Variants in CNTNAP4 observed in about 807,000 individuals in gnomAD.
The protein encoded by CNTNAP4 is contactin associated protein family member 4.
Under a neutral mutation model 148.4 loss-of-function variants are expected in CNTNAP4, and 98 were observed. That is an observed-to-expected ratio of 0.66 (90% CI 0.56 to 0.78). The LOEUF (loss-of-function observed/expected upper bound fraction) is 0.78, where lower values mean the gene tolerates loss of function less well. CNTNAP4 is among the 30% of genes least tolerant of loss of function. The pLI, the probability that CNTNAP4 is intolerant of heterozygous loss-of-function variation, is 0.00. For synonymous variants in CNTNAP4, 730 were observed against 565.1 expected (o/e 1.29, Z -4.14); for missense variants, 1,935 against 1,565.6 (o/e 1.24, Z -3.98).
At chr16:76,348,036 A>T (rs1240071333) in intron 2 of CNTNAP4, among the ~76,000 whole-genome samples, 2 of 152,128 alleles carry the variant, frequency 1.3e-5, no homozygotes, top group Non-Finnish European at 2.9e-5. Context: ...TGACTGTTGC[A>T]AGAATCCAGG....
chr16:76,323,752 A>G (rs1962677569), intron 2 of CNTNAP4, among the ~76,000 whole-genome samples: 2 of 152,048 alleles, frequency 1.3e-5, no homozygotes, highest in African/African-American at 4.8e-5. Flanking sequence ...CTTACCCTTT[A>G]TCGTCCTTGT....
At chr16:76,373,353 T>A (rs2015067351) in intron 3 of CNTNAP4, among the ~76,000 whole-genome samples, 1 of 152,034 alleles carries the variant, frequency 6.6e-6, no homozygotes, top group African/African-American at 2.4e-5. Context: ...AAAGAAACAT[T>A]CTTAGTCATA....
chr16:76,356,701 G>A lies in CNTNAP4; in HGVS notation c.390+1190G>A, dbSNP rs543101341. On this transcript the variant is annotated intron_variant, in intron 3 of 23. Transcript: ENST00000611870. ...GAGAAAATGGGTTACTTAATGAAGC[G>A]TCATTCTTAGCACACAGATAATTTG... Among the ~76,000 whole-genome samples the A allele has an allele frequency of 9.2e-5, 14 of 152,262 alleles. No homozygotes were observed. The South Asian group carries it at 1.9e-3, about 20-fold the overall frequency.
intron 3 of CNTNAP4, among the ~76,000 whole-genome samples, chr16:76,367,839 TA>T (rs2014338889): frequency 6.6e-6 from 1 of 152,146 alleles, no homozygotes; most frequent in African/African-American, 2.4e-5. Context: ...TACATTACAT[TA>T]GTGATGTAAC....
At chr16:76,463,044 C>T (rs748512656) in intron 9 of CNTNAP4, among the ~76,000 whole-genome samples, 2 of 152,262 alleles carry the variant, frequency 1.3e-5, no homozygotes, top group African/African-American at 4.8e-5. Context: ...AACAAAAAAA[C>T]TGCTACATAA....
intron 13 of CNTNAP4, among the ~76,000 whole-genome samples, chr16:76,493,101 G>C (rs1431387087): frequency 6.6e-6 from 1 of 152,062 alleles, no homozygotes; most frequent in East Asian, 1.9e-4. Flanking sequence ...CTCATGATTC[G>C]TGTGGAATAG....
chr16:76,362,838 A>G (rs1594028), intron 3 of CNTNAP4, among the ~76,000 whole-genome samples: 41,791 of 152,096 alleles, frequency 0.27, 6,313 homozygotes, highest in Non-Finnish European at 0.35. Context: ...ATCTGTACAT[A>G]AAACCACTGT....
rs376794927 is a variant in CNTNAP4 at position 76,540,772 on chromosome 16, G to A, written c.3424G>A (p.Val1142Ile). The change falls in exon 21 of 24, where the codon GTA (valine) becomes ATA (isoleucine). Residue 1142 changes from valine (V) to isoleucine (I), a missense_variant. By Grantham distance (29) the Val-to-Ile change is conservative (BLOSUM62 3). Coordinates refer to ENST00000611870, the MANE Select transcript of CNTNAP4 (RefSeq NM_033401.5). Reference sequence around the variant, plus strand: ...AGAATTCAGTGCAGTCAAATCTCTGGTATTGGGCAGGATTTTAGGTAAGTG... The same window carrying A: ...AGAATTCAGTGCAGTCAAATCTCTGATATTGGGCAGGATTTTAGGTAAGTG... ...GTEFSAVKSLVLGRILEHSDV... is the reference protein window; with the variant it reads ...GTEFSAVKSLILGRILEHSDV... 2 of 1,569,852 alleles carry A rather than the reference G, an allele frequency of 1.3e-6. No individual in the cohort carries two copies. Among genetic ancestry groups the A allele is most frequent in the East Asian group, 4.6e-5 (2 of 43,214 alleles).
chr16:76,294,248 G>T (rs571352645), intron 1 of CNTNAP4, among the ~76,000 whole-genome samples: 9 of 152,090 alleles, frequency 5.9e-5, no homozygotes, highest in African/African-American at 1.7e-4. Flanking sequence ...CTAACAAAGA[G>T]CAGACTGTGA....
intron 21 of CNTNAP4, among the ~76,000 whole-genome samples, chr16:76,550,116 C>G (rs1243952946): frequency 2.6e-5 from 4 of 150,970 alleles, no homozygotes; most frequent in Non-Finnish European, 4.4e-5. Flanking sequence ...GGGAATAGGG[C>G]TGCAAAAAAT....
intron 3 of CNTNAP4, among the ~76,000 whole-genome samples, chr16:76,372,440 G>T (rs1447272437): frequency 1.3e-5 from 2 of 151,872 alleles, no homozygotes; most frequent in African/African-American, 4.8e-5. Context: ...GGGCCACCGT[G>T]CCCTGCTGGT....
chr16:76,369,153 C>T (rs2014506241), intron 3 of CNTNAP4, among the ~76,000 whole-genome samples: 1 of 151,598 alleles, frequency 6.6e-6, no homozygotes, highest in Admixed American at 6.6e-5. Context: ...AGAAATAACA[C>T]ATCCTAAAAG....
chr16:76,358,163 G>T (rs558557603), intron 3 of CNTNAP4, among the ~76,000 whole-genome samples: 35 of 152,188 alleles, frequency 2.3e-4, no homozygotes, highest in African/African-American at 7.9e-4. Context: ...GTGAAACCTG[G>T]TCGCTACTAA....
intron 1 of CNTNAP4, among the ~76,000 whole-genome samples, chr16:76,314,241 C>A (rs1377551163): frequency 6.6e-6 from 1 of 152,140 alleles, no homozygotes; most frequent in African/African-American, 2.4e-5. Context: ...GCCACTATTA[C>A]CACAAAGGGA....
chr16:76,403,482 A>G (rs1430376070), intron 3 of CNTNAP4, among the ~76,000 whole-genome samples: 1 of 152,224 alleles, frequency 6.6e-6, no homozygotes, highest in Non-Finnish European at 1.5e-5. Flanking sequence ...AATACAAATC[A>G]AAGCCACAAT....
chr16:76,388,859 C>T (rs2016725757), intron 3 of CNTNAP4, among the ~76,000 whole-genome samples: 1 of 152,262 alleles, frequency 6.6e-6, no homozygotes, highest in South Asian at 2.1e-4. Flanking sequence ...AAGTCTGTCC[C>T]AACATGCTCT....
chr16:76,341,282 G>A (rs986215506), intron 2 of CNTNAP4, among the ~76,000 whole-genome samples: 5 of 152,022 alleles, frequency 3.3e-5, no homozygotes, highest in Non-Finnish European at 7.4e-5. Flanking sequence ...ATTTTTCTCA[G>A]ACAAATACAA....
intron 15 of CNTNAP4, among the ~76,000 whole-genome samples, chr16:76,500,262 C>T (rs1009742387): frequency 2.0e-5 from 3 of 152,154 alleles, no homozygotes; most frequent in South Asian, 2.1e-4. Context: ...GGCGGCTGGC[C>T]GGGCGGGGGC....
intron 9 of CNTNAP4, among the ~76,000 whole-genome samples, chr16:76,464,918 C>A (rs1343042062): frequency 1.3e-5 from 2 of 152,172 alleles, no homozygotes; most frequent in Admixed American, 1.3e-4. Context: ...TTTAGATTCT[C>A]TAGATTGAGA....
Sources: allele counts gnomAD v4.1 joint callset (sites outside exome capture counted in the v4.1 genomes callset), GRCh38; gene constraint gnomAD v4.1.1; transcripts MANE v1.5; gene names NCBI Gene and HGNC (gene_info 2026-07-23, HGNC 2026-07-21).